NBEA: variants seen among roughly 807,000 people sequenced by gnomAD.
NBEA encodes the protein neurobeachin, also known as lysosomal-trafficking regulator 2.
NBEA carries 44 observed loss-of-function variants against 343.4 expected under a neutral mutation model. The observed-to-expected ratio is 0.13, with a 90% confidence interval of 0.10 to 0.16. The LOEUF (loss-of-function observed/expected upper bound fraction) is 0.16, where lower values mean the gene tolerates loss of function less well. NBEA is among the 10% of genes least tolerant of loss of function. The pLI is 1.00. For missense variants in NBEA, 2,555 were observed against 3,631.3 expected (o/e 0.70, Z 7.62); for synonymous variants, 1,175 against 1,238.7 (o/e 0.95, Z 1.08).
At chr13:35,663,064 T>C (rs2085178247) in intron 55 of NBEA, among the ~76,000 whole-genome samples, 1 of 152,218 alleles carries the variant, frequency 6.6e-6, no homozygotes, top group South Asian at 2.1e-4. Flanking sequence ...AATGATCAAA[T>C]TGGGGTAATT....
At chr13:34,964,171 A>T (rs1330619379) in intron 1 of NBEA, among the ~76,000 whole-genome samples, 1 of 152,026 alleles carries the variant, frequency 6.6e-6, no homozygotes, top group Non-Finnish European at 1.5e-5. Flanking sequence ...TGAAATTAAG[A>T]TATGGAAATA....
intron 38 of NBEA, among the ~76,000 whole-genome samples, chr13:35,384,898 T>C (rs2042172832): frequency 6.6e-6 from 1 of 152,152 alleles, no homozygotes; most frequent in Admixed American, 6.5e-5. Flanking sequence ...GATTATGATA[T>C]TGCACCATTC....
chr13:35,131,934 A>G (rs950727628), intron 17 of NBEA, among the ~76,000 whole-genome samples: 13 of 152,212 alleles, frequency 8.5e-5, no homozygotes, highest in African/African-American at 3.1e-4. Context: ...AAAAGAAATC[A>G]TAAAGAACAT....
At chr13:35,298,406 C>T (rs1398845161) in intron 35 of NBEA, among the ~76,000 whole-genome samples, 1 of 151,340 alleles carries the variant, frequency 6.6e-6, no homozygotes, top group South Asian at 2.1e-4. Context: ...TTCTCTACAG[C>T]ACTAATGTTC....
In NBEA at chr13:35,159,273, A is replaced by T; in HGVS notation, c.3102A>T (p.Ser1034=). 6.2e-7 allele frequency: 1 copy of T among 1,613,634 alleles called. No homozygotes were observed. The highest frequency in any genetic ancestry group is 1.1e-5 in the South Asian group (1 of 91,078). Residue 1034 remains serine, a synonymous_variant, in exon 22 of 59, where the codon TCA becomes TCT. Coordinates refer to ENST00000379939, the MANE Select transcript of NBEA (RefSeq NM_001385012.1). ...ACTTACTCATGTCAACAAAAGTGTC[A>T]GATGATATTCTTGGAAATTCAGATA... ...TRDLLMSTKV[S]DDILGNSDRP...
intron 35 of NBEA, among the ~76,000 whole-genome samples, chr13:35,299,711 T>A (rs1278564037): frequency 6.6e-6 from 1 of 152,194 alleles, no homozygotes; most frequent in East Asian, 1.9e-4. Context: ...AGCAGAAAAG[T>A]GCATATATGT....
intron 1 of NBEA, among the ~76,000 whole-genome samples, chr13:34,957,022 T>TATAC (rs556102899): frequency 6.0e-5 from 9 of 150,758 alleles, no homozygotes; most frequent in African/African-American, 9.7e-5. Flanking sequence ...TATATATATA[T>TATAC]ACACACACAC....
rs142482943 is a variant in NBEA at position 35,483,794 on chromosome 13, A to G, written c.6585+11258A>G. On this transcript the variant is annotated intron_variant, in intron 41 of 58. Transcript: ENST00000379939. Reference sequence around the variant, plus strand: ...AAGTTATTGCTTTCTTAATAATCTCAAACCATCTTTAGGAAATACACTCTT... The same window carrying G: ...AAGTTATTGCTTTCTTAATAATCTCGAACCATCTTTAGGAAATACACTCTT... Among the ~76,000 whole-genome samples, 396 of 152,228 alleles carry G rather than the reference A, an allele frequency of 2.6e-3. 3 individuals are homozygous for G. Among genetic ancestry groups the G allele is most frequent in the African/African-American group, 8.8e-3 (367 of 41,550 alleles).
chr13:35,274,238 C>T (rs1484954051), intron 34 of NBEA, among the ~76,000 whole-genome samples: 1 of 152,088 alleles, frequency 6.6e-6, no homozygotes, highest in Non-Finnish European at 1.5e-5. Context: ...TAATCCATGA[C>T]ATAAACAGAA....
chr13:34,951,464 A>G lies in NBEA; in HGVS notation c.294+8350A>G, dbSNP rs546487447. ...AGTTATTACCTTGGTCCTGAGAATC[A>G]CCTGACCATAGAAAGAAGTAATGAC... is the stretch of plus-strand genomic sequence containing the variant. On this transcript the variant is annotated intron_variant, in intron 1 of 58. Coordinates refer to ENST00000379939, the MANE Select transcript of NBEA (RefSeq NM_001385012.1). Among the ~76,000 whole-genome samples, 47 of 152,320 alleles carry G rather than the reference A, an allele frequency of 3.1e-4. No homozygotes were observed. The South Asian group carries it at 9.7e-3, about 32-fold the overall frequency.
At chr13:35,053,557 C>T (rs1050001892) in intron 6 of NBEA, among the ~76,000 whole-genome samples, 16 of 152,100 alleles carry the variant, frequency 1.1e-4, no homozygotes, top group African/African-American at 3.9e-4. Flanking sequence ...ATTCTCATAA[C>T]TGTTTCTCTA....
intron 47 of NBEA, 48 bp from the exon 48 acceptor site, chr13:35,606,378 C>T (rs1407893369): frequency 1.2e-5 from 14 of 1,141,514 alleles, no homozygotes; most frequent in African/African-American, 1.6e-5. Context: ...TTTTATTCAA[C>T]TGATTTTTAT....
intron 1 of NBEA, among the ~76,000 whole-genome samples, chr13:35,040,070 C>T (rs778774768): frequency 2.0e-5 from 3 of 152,026 alleles, no homozygotes; most frequent in Non-Finnish European, 2.9e-5. Flanking sequence ...ATTTGTCAGA[C>T]GTTGTATATG....
intron 33 of NBEA, among the ~76,000 whole-genome samples, chr13:35,228,774 A>G (rs1348691643): frequency 6.6e-6 from 1 of 152,104 alleles, no homozygotes; most frequent in Admixed American, 6.6e-5. Flanking sequence ...AGCATCTTAA[A>G]CACATCATTA....
At chr13:35,574,196 C>T (rs2080594399) in intron 45 of NBEA, among the ~76,000 whole-genome samples, 2 of 151,146 alleles carry the variant, frequency 1.3e-5, no homozygotes, top group African/African-American at 4.9e-5. Flanking sequence ...CTTGCTTTAC[C>T]CTCACAACGC....
At chr13:35,060,485 C>T (rs1273138440) in intron 8 of NBEA, among the ~76,000 whole-genome samples, 1 of 151,740 alleles carries the variant, frequency 6.6e-6, no homozygotes, top group Non-Finnish European at 1.5e-5. Flanking sequence ...TATCCTAACA[C>T]ACAGTAGAGT....
intron 1 of NBEA, among the ~76,000 whole-genome samples, chr13:35,022,788 CATTTGA>C (rs1351241381): frequency 6.6e-6 from 1 of 152,096 alleles, no homozygotes; most frequent in Non-Finnish European, 1.5e-5. Context: ...TCAGTTTCCT[CATTTGA>C]GACACCCATT....
chr13:35,279,661 A>G (rs2034907512), intron 34 of NBEA, among the ~76,000 whole-genome samples: 1 of 152,184 alleles, frequency 6.6e-6, no homozygotes, highest in Admixed American at 6.6e-5. Context: ...CTGTCCAGAT[A>G]TGTTGTTCCT....
At chr13:35,667,087 G>A (rs1470787172) in intron 56 of NBEA, among the ~76,000 whole-genome samples, 3 of 152,262 alleles carry the variant, frequency 2.0e-5, no homozygotes, top group East Asian at 1.9e-4. Flanking sequence ...TTATTGTCAC[G>A]TAATCTGTGA....
Sources: allele counts gnomAD v4.1 joint callset (sites outside exome capture counted in the v4.1 genomes callset), GRCh38; gene constraint gnomAD v4.1.1; transcripts MANE v1.5; gene names NCBI Gene and HGNC (gene_info 2026-07-23, HGNC 2026-07-21).